The following SLC26A7 variants were observed in gnomAD, a reference collection of about 807,000 sequenced individuals.
SLC26A7 encodes the protein anion exchange transporter.
In SLC26A7, 59 loss-of-function variants were observed where a neutral mutation model predicts 82.5. That is an observed-to-expected ratio of 0.72 (90% confidence interval 0.58 to 0.89). SLC26A7 has a LOEUF of 0.89. Among genes scored for constraint, SLC26A7 ranks in the 40% least tolerant of loss-of-function variants. The pLI, the probability that SLC26A7 is intolerant of heterozygous loss-of-function variation, is 0.00. For missense variants in SLC26A7, 820 were observed against 793.0 expected, an observed-to-expected ratio of 1.03 and a Z score of -0.41; for synonymous variants, 271 against 274.3, an observed-to-expected ratio of 0.99 and a Z score of 0.12.
At chr8:91,343,753 C>G (rs930594865) in intron 9 of SLC26A7, among the ~76,000 whole-genome samples, 2 of 152,144 alleles carry the variant, frequency 1.3e-5, no homozygotes, top group African/African-American at 4.8e-5. Context: ...CTCTCTCTTT[C>G]TTTCTAATCT....
chr8:91,370,867 T>A (rs1383638881), intron 15 of SLC26A7, among the ~76,000 whole-genome samples: 1 of 151,968 alleles, frequency 6.6e-6, no homozygotes, highest in African/African-American at 2.4e-5. Flanking sequence ...AAAAATCTCT[T>A]ATTTTTTGTG....
chr8:91,358,582 G>A (rs754703082), intron 11 of SLC26A7, among the ~76,000 whole-genome samples: 5 of 151,846 alleles, frequency 3.3e-5, no homozygotes, highest in Admixed American at 6.6e-5. Context: ...CACCCATCTT[G>A]GCCTCCCAAA....
rs115428820 is a variant in SLC26A7, at chr8:91,266,310, G to T, written c.193+16466G>T. 5.7e-3 allele frequency among the ~76,000 whole-genome samples: 865 copies of T among 151,900 alleles called. 8 individuals carry two copies. Among genetic ancestry groups the T allele is most frequent in the African/African-American group, 0.019 (798 of 41,480 alleles). ...TTTTGATAGGGATTGCATTTAATCT[G>T]TAGATTTCTTTGGATAGTATGGACA... On this transcript the variant is annotated intron_variant, in intron 2 of 18. Coordinates refer to ENST00000276609, the MANE Select transcript of SLC26A7 (RefSeq NM_052832.4).
intron 2 of SLC26A7, among the ~76,000 whole-genome samples, chr8:91,255,706 T>C (rs1810783246): frequency 6.6e-6 from 1 of 152,138 alleles, no homozygotes; most frequent in Non-Finnish European, 1.5e-5. Context: ...CATTCGGTAC[T>C]TTTGACTCCT....
chr8:91,332,347 T>G (rs1163023217), intron 5 of SLC26A7, among the ~76,000 whole-genome samples: 3 of 133,970 alleles, frequency 2.2e-5, no homozygotes, highest in Non-Finnish European at 3.3e-5. Flanking sequence ...ATATAATATA[T>G]ATAAATTTAT....
At chr8:91,318,402 A>T in intron 5 of SLC26A7, 22 bp downstream of exon 5, 2 of 1,565,186 alleles carry the variant, frequency 1.3e-6, no homozygotes, top group East Asian at 4.6e-5. Flanking sequence ...GTATGCTTTC[A>T]TACATATCTT....
intron 2 of SLC26A7, among the ~76,000 whole-genome samples, chr8:91,254,570 G>C (rs1810749759): frequency 6.6e-6 from 1 of 152,030 alleles, no homozygotes; most frequent in Admixed American, 6.6e-5. Flanking sequence ...GTCTGTTACT[G>C]ATTTTTACAA....
chr8:91,298,641 GA>G (rs1449760110), intron 4 of SLC26A7, among the ~76,000 whole-genome samples: 1 of 152,062 alleles, frequency 6.6e-6, no homozygotes, highest in Non-Finnish European at 1.5e-5. Context: ...TGAAAACCAA[GA>G]AACATAATGC....
intron 7 of SLC26A7, among the ~76,000 whole-genome samples, chr8:91,339,941 C>T (rs1042537683): frequency 2.6e-5 from 4 of 152,062 alleles, no homozygotes; most frequent in Admixed American, 6.6e-5. Flanking sequence ...ATTAAGATAA[C>T]GAACTCAATG....
At chr8:91,388,503 A>G (rs1231526186) in intron 15 of SLC26A7, among the ~76,000 whole-genome samples, 1 of 152,196 alleles carries the variant, frequency 6.6e-6, no homozygotes, top group African/African-American at 2.4e-5. Context: ...CGCTATTTAA[A>G]TTAAGAATTA....
At chr8:91,267,197 TC>T (rs1233504862) in intron 2 of SLC26A7, among the ~76,000 whole-genome samples, 1 of 151,628 alleles carries the variant, frequency 6.6e-6, no homozygotes, top group Non-Finnish European at 1.5e-5. Context: ...ATATTGACAT[TC>T]CCCCCACCTC....
chr8:91,260,399 A>G (rs1563648170), intron 2 of SLC26A7, among the ~76,000 whole-genome samples: 1 of 152,112 alleles, frequency 6.6e-6, no homozygotes, highest in East Asian at 1.9e-4. Context: ...GGAGATTACA[A>G]TTTGAGATGA....
At chr8:91,332,397 A>C (rs940107985) in intron 5 of SLC26A7, among the ~76,000 whole-genome samples, 1 of 143,640 alleles carries the variant, frequency 7.0e-6, no homozygotes. Context: ...AAAATATATT[A>C]TATTTAATTA....
At chr8:91,243,836 C>T (rs954667669) in intron 2 of SLC26A7, among the ~76,000 whole-genome samples, 5 of 152,198 alleles carry the variant, frequency 3.3e-5, no homozygotes, top group Admixed American at 1.3e-4. Flanking sequence ...CTAAATAAAG[C>T]ACAGGTCATC....
chr8:91,392,009 A>C (rs898347972), intron 16 of SLC26A7, among the ~76,000 whole-genome samples: 1 of 152,204 alleles, frequency 6.6e-6, no homozygotes, highest in Non-Finnish European at 1.5e-5. Context: ...AAATTCAAAC[A>C]ATCTTGGCAC....
At chr8:91,236,249 G>A (rs78233514) in intron 2 of SLC26A7, among the ~76,000 whole-genome samples, 187 of 152,256 alleles carry the variant, frequency 1.2e-3, no homozygotes, top group African/African-American at 4.3e-3. Flanking sequence ...ATTTGAGGCT[G>A]GTAATTGAGA....
intron 4 of SLC26A7, among the ~76,000 whole-genome samples, chr8:91,311,957 G>A (rs1053799324): frequency 1.3e-5 from 2 of 152,124 alleles, no homozygotes; most frequent in South Asian, 2.1e-4. Context: ...AAAAGGAAAG[G>A]CAGTTTCTTG....
At chr8:91,348,952 T>C (rs1813640385) in intron 9 of SLC26A7, among the ~76,000 whole-genome samples, 1 of 152,244 alleles carries the variant, frequency 6.6e-6, no homozygotes, top group African/African-American at 2.4e-5. Flanking sequence ...TAATTTGAGC[T>C]CTTTTTGAAT....
At chr8:91,233,370 C>A (rs1161474225) in intron 2 of SLC26A7, among the ~76,000 whole-genome samples, 1 of 151,934 alleles carries the variant, frequency 6.6e-6, no homozygotes, top group Non-Finnish European at 1.5e-5. Flanking sequence ...AGTTCGAGAC[C>A]AGCCTGACTA....
Sources: allele counts gnomAD v4.1 joint callset (sites outside exome capture counted in the v4.1 genomes callset), GRCh38; gene constraint gnomAD v4.1.1; transcripts MANE v1.5; gene names NCBI Gene and HGNC (gene_info 2026-07-23, HGNC 2026-07-21).